C6orf89: variants seen among roughly 807,000 people sequenced by gnomAD.
C6orf89 encodes the protein bombesin receptor-activated protein C6orf89.
Under a neutral mutation model 40.7 loss-of-function variants are expected in C6orf89, and 29 were observed. That is an observed-to-expected ratio of 0.71 (90% CI 0.53 to 0.97). The LOEUF (loss-of-function observed/expected upper bound fraction) is 0.97, where lower values mean the gene tolerates loss of function less well. Among genes scored for constraint, C6orf89 ranks in the 50% least tolerant of loss-of-function variants. C6orf89 has a pLI of 0.00. For synonymous variants in C6orf89, 165 were observed against 152.2 expected (o/e 1.08, Z -0.62); for missense variants, 392 against 429.1 (o/e 0.91, Z 0.76).
rs150987215 is a variant in C6orf89, at chr6:36,873,625, C to T, written c.-628+1658C>T. On this transcript the variant is annotated intron_variant, in intron 1 of 9. Coordinates refer to the C6orf89 transcript ENST00000359359. ...ATTTTGTAACTTTAAAAAATACCAACAGGAGAATTCAGAAATTACAGGTTG... is the reference window on the plus strand; with the variant it reads ...ATTTTGTAACTTTAAAAAATACCAATAGGAGAATTCAGAAATTACAGGTTG... Among the ~76,000 whole-genome samples, 55 of 152,266 alleles carry T rather than the reference C, an allele frequency of 3.6e-4. 1 individual carries two copies. In the East Asian group the frequency reaches 0.01, roughly 28 times the overall value.
rs552392203 is a variant in C6orf89 at position 36,923,884 on chromosome 6, T to C, written c.*443T>C. ...GCTTGTCCCTGTCTTGCCTGCCACA[T>C]CACTCTACTTTTTGGAAGGCCATGG... is the stretch of plus-strand genomic sequence containing the variant. On this transcript the variant is annotated 3_prime_UTR_variant, in exon 9 of 9. Transcript: ENST00000480824. 62 of 255,826 alleles carry C rather than the reference T, an allele frequency of 2.4e-4. No individual in the cohort carries two copies. The highest frequency in any genetic ancestry group is 8.1e-4 in the Admixed American group (16 of 19,852). The allele number at this position is 255,826 out of a possible 1,614,324, so 15.8% of individuals were successfully genotyped here. A position where few individuals can be genotyped will look rare whatever the true frequency, so the allele number is the denominator to read the frequency against.
intron 1 of C6orf89, among the ~76,000 whole-genome samples, chr6:36,877,340 G>GTT (rs764214029): frequency 1.3e-5 from 2 of 150,396 alleles, no homozygotes; most frequent in African/African-American, 2.4e-5. Context: ...GCAATTTTTT[G>GTT]TTTTTTTTTG....
In C6orf89 at chr6:36,919,706, G is replaced by A. The variant is rs1762450292; in HGVS notation, c.949+5G>A. On this transcript the variant is annotated splice_donor_5th_base_variant and intron_variant, in intron 8 of 8. Coordinates refer to ENST00000480824, the MANE Select transcript of C6orf89 (RefSeq NM_001286635.2). The stretch of plus-strand genomic sequence containing the variant: ...CAATAGAGCCAGGGGATATCGGTAT[G>A]TAGGGCCCCAGGAGGGCAGGGTCAA... The A allele has an allele frequency of 1.2e-6, 2 of 1,606,364 alleles. No individual in the cohort carries two copies. Among genetic ancestry groups the A allele is most frequent in the Admixed American group, 1.7e-5 (1 of 58,778 alleles).
chr6:36,928,501 A>T lies in C6orf89; in HGVS notation c.*5060A>T, dbSNP rs576967660. Reference sequence around the variant, plus strand: ...GGAGGTGACAGGAGCCAGCAGACACATGACATTCCCAGAAAGCCCCATCTT... The same window carrying T: ...GGAGGTGACAGGAGCCAGCAGACACTTGACATTCCCAGAAAGCCCCATCTT... On this transcript the variant is annotated 3_prime_UTR_variant, in exon 9 of 9. Coordinates refer to ENST00000480824, the MANE Select transcript of C6orf89 (RefSeq NM_001286635.2). 3 of 153,012 alleles carry T rather than the reference A, an allele frequency of 2.0e-5. No individual in the cohort carries two copies. The South Asian group carries it at 6.2e-4, about 32-fold the overall frequency. 9.5% of individuals were successfully genotyped at this position (153,012 alleles called of 1,614,324 possible). A position where few individuals can be genotyped will look rare whatever the true frequency, so the allele number is the denominator to read the frequency against.
rs2150724413 is a variant in C6orf89 at position 36,927,360 on chromosome 6, T to G, written c.*3919T>G. The G allele has an allele frequency of 6.6e-6, 1 of 152,340 alleles. No individual in the cohort carries two copies. The highest frequency in any genetic ancestry group is 1.9e-4 in the East Asian group (1 of 5,192). The allele number at this position is 152,340 out of a possible 1,614,324, so 9.4% of individuals were successfully genotyped here. On this transcript the variant is annotated 3_prime_UTR_variant, in exon 9 of 9. Transcript: ENST00000480824. The stretch of plus-strand genomic sequence containing the variant: ...GCTTATTACCCAGTCACTTTCGTAG[T>G]GAATGTTCAAACCCCAAAGCAAATG...
At chr6:36,886,814 T>C (rs1388635545) in intron 1 of C6orf89, among the ~76,000 whole-genome samples, 1 of 152,246 alleles carries the variant, frequency 6.6e-6, no homozygotes, top group Non-Finnish European at 1.5e-5. Context: ...AATTCGTTCA[T>C]TTGAATTTGG....
chr6:36,921,461 G>A (rs1172200792), intron 8 of C6orf89, among the ~76,000 whole-genome samples: 4 of 152,036 alleles, frequency 2.6e-5, no homozygotes, highest in Admixed American at 2.6e-4. Context: ...GGAGATGGAG[G>A]GGAGAGGGGT....
rs749662691 is a variant in C6orf89, at chr6:36,923,504, A to T, written c.*63A>T. ...AAAACCAGGTTGAAAGGGGAAAAAT[A>T]AAAACAAAAACGATGAAACTGCTTT... On this transcript the variant is annotated 3_prime_UTR_variant, in exon 9 of 9. Transcript: ENST00000480824. The T allele has an allele frequency of 1.5e-6, 2 of 1,305,880 alleles. No individual in the cohort carries two copies. Among genetic ancestry groups the T allele is most frequent in the Non-Finnish European group, 2.2e-6 (2 of 905,676 alleles). 80.9% of individuals were successfully genotyped at this position (1,305,880 alleles called of 1,614,324 possible). A position where few individuals can be genotyped will look rare whatever the true frequency, so the allele number is the denominator to read the frequency against.
rs117529233 is a variant in C6orf89, at chr6:36,918,453, A to G, written c.826-1125A>G. 6.8e-4 allele frequency among the ~76,000 whole-genome samples: 103 copies of G among 152,334 alleles called. 3 individuals carry two copies. The East Asian group carries it at 0.018, about 26-fold the overall frequency. On this transcript the variant is annotated intron_variant, in intron 7 of 8. Transcript: ENST00000480824. ...GACACCAGGCTGTCCCTGTCACCAC[A>G]TTAGCCGGTGAAATGGCTCTGGTGT...
At chr6:36,898,829 AATT>A (rs1255803220) in intron 2 of C6orf89, among the ~76,000 whole-genome samples, 1 of 152,188 alleles carries the variant, frequency 6.6e-6, no homozygotes, top group East Asian at 1.9e-4. Flanking sequence ...CTCCAGAAGA[AATT>A]AAAAAAAAGA....
chr6:36,896,645 A>G (rs943210807), intron 2 of C6orf89, among the ~76,000 whole-genome samples: 5 of 152,200 alleles, frequency 3.3e-5, no homozygotes, highest in African/African-American at 1.2e-4. Flanking sequence ...CTTCTACAAA[A>G]AGTTTTTAAT....
At chr6:36,882,990 C>T (rs944165249), upstream of C6orf89, among the ~76,000 whole-genome samples, 2 of 152,082 alleles carry the variant, frequency 1.3e-5, no homozygotes, top group African/African-American at 2.4e-5. Context: ...CCACCCGCCT[C>T]GGCCTCCCAA....
At chr6:36,904,553 G>C (rs1583176966) in intron 4 of C6orf89, among the ~76,000 whole-genome samples, 2 of 152,188 alleles carry the variant, frequency 1.3e-5, no homozygotes, top group East Asian at 3.9e-4. Flanking sequence ...TGGAAGAAAA[G>C]TTAAAAACAC....
In C6orf89 at chr6:36,902,232, C is replaced by T. The variant is rs2150695502; in HGVS notation, c.201C>T (p.Thr67=). The T allele has an allele frequency of 6.2e-7, 1 of 1,614,072 alleles. No individual in the cohort carries two copies. The highest frequency in any genetic ancestry group is 8.5e-7 in the Non-Finnish European group (1 of 1,179,976). ...LLIVVYKVLA[T]LGLILLTAYF... Reference sequence around the variant, plus strand: ...ATCTTTCCTTGTAGGTTCTCGCAACCTTGGGATTAATCTTGCTCACTGCCT... The same window carrying T: ...ATCTTTCCTTGTAGGTTCTCGCAACTTTGGGATTAATCTTGCTCACTGCCT... The change falls in exon 4 of 9, where the codon ACC becomes ACT. Residue 67 remains threonine, a synonymous_variant. Coordinates refer to ENST00000480824, the MANE Select transcript of C6orf89 (RefSeq NM_001286635.2).
Position 36,914,669 on chromosome 6 carries a change from G to C in C6orf89, c.671G>C (p.Arg224Pro). The C allele has an allele frequency of 6.2e-7, 1 of 1,614,202 alleles. No homozygotes were observed. The highest frequency in any genetic ancestry group is 8.5e-7 in the Non-Finnish European group (1 of 1,180,026). ...FAKWWRCFPE[R>P]WFPFPYPWRR... is the part of the protein sequence containing the mutation. ...AAGTGGTGGCGCTGCTTTCCTGAGC[G>C]GTGGTTCCCATTTCCTTATCCATGG... Residue 224 changes from arginine (R) to proline (P), a missense_variant, in exon 6 of 9, where the codon CGG (arginine) becomes CCG (proline). Arg to Pro is a moderately radical substitution (Grantham distance 103). Transcript: ENST00000480824.
At chr6:36,894,735 TG>T in intron 2 of C6orf89, 132 bp downstream of exon 2, 1 of 171,400 alleles carries the variant, frequency 5.8e-6, no homozygotes, top group Non-Finnish European at 1.2e-5. Context: ...GGGATCACAG[TG>T]GTGATTCACT....
intron 2 of C6orf89, 86 bp from the exon 3 acceptor site, chr6:36,899,340 C>G: frequency 8.0e-7 from 1 of 1,255,056 alleles, no homozygotes; most frequent in Non-Finnish European, 1.2e-6. Context: ...TGGTCCTTCT[C>G]TACAGATGGT....
chr6:36,919,793 GT>G, intron 8 of C6orf89, 92 bp downstream of exon 8: 1 of 1,310,362 alleles, frequency 7.6e-7, no homozygotes. Context: ...CTTCACAAAA[GT>G]TTTATTTAGT....
chr6:36,907,557 C>G (rs1761974467), intron 4 of C6orf89, among the ~76,000 whole-genome samples: 1 of 152,156 alleles, frequency 6.6e-6, no homozygotes, highest in African/African-American at 2.4e-5. Context: ...GTCTGAGAGA[C>G]TGTTTTTGAC....
Sources: allele counts gnomAD v4.1 joint callset (sites outside exome capture counted in the v4.1 genomes callset), GRCh38; gene constraint gnomAD v4.1.1; transcripts MANE v1.5; gene names NCBI Gene and HGNC (gene_info 2026-07-23, HGNC 2026-07-21).